TRHDE: variants seen among roughly 807,000 people sequenced by gnomAD.
The protein encoded by TRHDE is thyrotropin-releasing hormone-degrading ectoenzyme.
A neutral mutation model predicts 125.7 loss-of-function variants in TRHDE; 72 were observed. That is an observed-to-expected ratio of 0.57 (90% CI 0.47 to 0.70). The LOEUF is 0.70. TRHDE is among the 30% of genes least tolerant of loss of function. The probability of loss-of-function intolerance (pLI) is 0.00; values close to 1 mark genes in which losing one functional copy is unlikely to be tolerated. For synonymous variants in TRHDE, 509 were observed against 509.1 expected, an observed-to-expected ratio of 1.00 and a Z score of 0.00; for missense variants, 1,110 against 1,327.1, an observed-to-expected ratio of 0.84 and a Z score of 2.54.
At chr12:72,201,938 C>A (rs995149699) in intron 2 of TRHDE, among the ~76,000 whole-genome samples, 1 of 152,120 alleles carries the variant, frequency 6.6e-6, no homozygotes, top group Admixed American at 6.5e-5. Context: ...AAGAAATAAT[C>A]AACAGTTCAT....
chr12:72,468,833 T>C (rs1456830384), intron 3 of TRHDE, among the ~76,000 whole-genome samples: 1 of 152,246 alleles, frequency 6.6e-6, no homozygotes, highest in Admixed American at 6.5e-5. Context: ...TTTGCATTTC[T>C]GTACCATTTC....
intron 2 of TRHDE, among the ~76,000 whole-genome samples, chr12:72,298,143 G>T (rs1880374472): frequency 6.6e-6 from 1 of 152,184 alleles, no homozygotes; most frequent in Non-Finnish European, 1.5e-5. Flanking sequence ...GAAGCTAATA[G>T]AAAGAGCTTG....
intron 3 of TRHDE, among the ~76,000 whole-genome samples, chr12:72,405,314 A>G (rs963411539): frequency 5.9e-5 from 9 of 152,178 alleles, no homozygotes; most frequent in African/African-American, 2.2e-4. Context: ...ATATTTGTTT[A>G]TAACTTGCCT....
intron 2 of TRHDE, among the ~76,000 whole-genome samples, chr12:72,350,216 T>C (rs1380260457): frequency 1.3e-5 from 2 of 151,992 alleles, no homozygotes; most frequent in Non-Finnish European, 2.9e-5. Context: ...TATTCAATCT[T>C]GTACCTTTCA....
intron 2 of TRHDE, among the ~76,000 whole-genome samples, chr12:72,122,250 G>A (rs1438516626): frequency 6.6e-6 from 1 of 152,114 alleles, no homozygotes; most frequent in Non-Finnish European, 1.5e-5. Flanking sequence ...AATTGCAAAG[G>A]ATTTAATCTT....
At chr12:72,411,221 A>G (rs946771982) in intron 3 of TRHDE, among the ~76,000 whole-genome samples, 1 of 150,768 alleles carries the variant, frequency 6.6e-6, no homozygotes, top group African/African-American at 2.4e-5. Flanking sequence ...AAAAAAAAAA[A>G]CCATACAAAA....
intron 2 of TRHDE, among the ~76,000 whole-genome samples, chr12:72,179,555 A>G (rs953270817): frequency 5.9e-5 from 9 of 151,932 alleles, no homozygotes; most frequent in Non-Finnish European, 8.8e-5. Context: ...CCATTTTTAC[A>G]TATCCCAATC....
At chr12:72,370,430 T>G (rs999443996) in intron 2 of TRHDE, among the ~76,000 whole-genome samples, 6 of 152,194 alleles carry the variant, frequency 3.9e-5, no homozygotes, top group Non-Finnish European at 7.3e-5. Context: ...TCTGATCATG[T>G]CATTCTATGG....
At chr12:72,239,373 T>A (rs560689990) in intron 2 of TRHDE, among the ~76,000 whole-genome samples, 10 of 152,304 alleles carry the variant, frequency 6.6e-5, no homozygotes, top group African/African-American at 2.4e-4. Flanking sequence ...TTTGCTGTGC[T>A]GAAGCTCTTT....
intron 2 of TRHDE, among the ~76,000 whole-genome samples, chr12:72,332,496 G>A (rs147324843): frequency 3.2e-4 from 48 of 152,158 alleles, no homozygotes; most frequent in African/African-American, 1.1e-3. Flanking sequence ...CCCAGGGGAT[G>A]GTGCTAAACC....
At chr12:72,480,737 T>C (rs536130261) in intron 5 of TRHDE, among the ~76,000 whole-genome samples, 1 of 152,230 alleles carries the variant, frequency 6.6e-6, no homozygotes, top group African/African-American at 2.4e-5. Flanking sequence ...AAAATGAACC[T>C]ATTCATTCTC....
intron 2 of TRHDE, among the ~76,000 whole-genome samples, chr12:72,313,274 A>C (rs1438113961): frequency 6.6e-6 from 1 of 151,956 alleles, no homozygotes; most frequent in African/African-American, 2.4e-5. Context: ...TATTCATACA[A>C]GTTTTTTTAT....
intron 1 of TRHDE, among the ~76,000 whole-genome samples, chr12:72,285,572 G>A (rs902095100): frequency 6.9e-5 from 10 of 145,184 alleles, no homozygotes; most frequent in African/African-American, 2.3e-4. Context: ...CCAGGCTGGA[G>A]TGCAGTGGCG....
At chr12:72,459,968 G>A (rs1876049212) in intron 3 of TRHDE, among the ~76,000 whole-genome samples, 1 of 152,134 alleles carries the variant, frequency 6.6e-6, no homozygotes, top group South Asian at 2.1e-4. Flanking sequence ...TCCCAAGAGT[G>A]ACACACACAG....
At chr12:72,280,189 T>C (rs74103697) in intron 1 of TRHDE, among the ~76,000 whole-genome samples, 1 of 152,164 alleles carries the variant, frequency 6.6e-6, no homozygotes, top group Non-Finnish European at 1.5e-5. Flanking sequence ...CCAGATTTCC[T>C]AATTGCTGTG....
chr12:72,097,443 T>A (rs1434984420), intron 1 of TRHDE, among the ~76,000 whole-genome samples: 3 of 16,386 alleles, frequency 1.8e-4, no homozygotes, highest in African/African-American at 3.2e-4. Flanking sequence ...TCACTGAATT[T>A]TTTTTTTTTT....
chr12:72,093,695 T>C (rs1447168515), intron 1 of TRHDE, among the ~76,000 whole-genome samples: 1 of 152,218 alleles, frequency 6.6e-6, no homozygotes, highest in East Asian at 1.9e-4. Flanking sequence ...TCTAGTTCTT[T>C]GTTAAACTTT....
At chr12:72,623,305 CT>C (rs1873127585) in intron 15 of TRHDE, among the ~76,000 whole-genome samples, 1 of 151,828 alleles carries the variant, frequency 6.6e-6, no homozygotes, top group Admixed American at 6.6e-5. Flanking sequence ...AACATGTGCC[CT>C]TTTTCAGAGC....
At chr12:72,479,462 A>T (rs556916441) in intron 5 of TRHDE, among the ~76,000 whole-genome samples, 17 of 152,228 alleles carry the variant, frequency 1.1e-4, no homozygotes, top group Non-Finnish European at 1.9e-4. Flanking sequence ...AAGATAAAAC[A>T]AGCATAATTC....
Sources: allele counts gnomAD v4.1 joint callset (sites outside exome capture counted in the v4.1 genomes callset), GRCh38; gene constraint gnomAD v4.1.1; transcripts MANE v1.5; gene names NCBI Gene and HGNC (gene_info 2026-07-23, HGNC 2026-07-21).